BMPR1B: variants seen among roughly 807,000 people sequenced by gnomAD.
The protein encoded by BMPR1B is bone morphogenetic protein receptor type 1B.
BMPR1B carries 12 observed loss-of-function variants against 59.1 expected under a neutral mutation model. The observed-to-expected ratio is 0.20, with a 90% CI of 0.13 to 0.33. The LOEUF (loss-of-function observed/expected upper bound fraction) is 0.33, where lower values mean the gene tolerates loss of function less well. Among genes scored for constraint, BMPR1B ranks in the 10% least tolerant of loss-of-function variants. The pLI, the probability that BMPR1B is intolerant of heterozygous loss-of-function variation, is 1.00. For synonymous variants in BMPR1B, 237 were observed against 207.3 expected (o/e 1.14, Z -1.23); for missense variants, 550 against 610.9 (o/e 0.90, Z 1.05).
intron 3 of BMPR1B, among the ~76,000 whole-genome samples, chr4:95,001,793 G>C (rs1201366268): frequency 6.6e-6 from 1 of 151,960 alleles, no homozygotes; most frequent in Non-Finnish European, 1.5e-5. Context: ...AGACGTAGAG[G>C]GGGGCAAAAC....
chr4:95,072,758 T>C (rs1728407969), intron 3 of BMPR1B, among the ~76,000 whole-genome samples: 2 of 152,116 alleles, frequency 1.3e-5, no homozygotes, highest in South Asian at 4.1e-4. Flanking sequence ...ATTTGGAAGG[T>C]GGTAGAATAA....
At chr4:94,775,675 A>G (rs1722337538) in intron 1 of BMPR1B, among the ~76,000 whole-genome samples, 2 of 152,256 alleles carry the variant, frequency 1.3e-5, no homozygotes, top group Admixed American at 1.3e-4. Context: ...GTTGCTTGAC[A>G]TGATCAGTTT....
chr4:94,805,560 A>G (rs1443266178), intron 1 of BMPR1B, among the ~76,000 whole-genome samples: 1 of 152,218 alleles, frequency 6.6e-6, no homozygotes, highest in African/African-American at 2.4e-5. Context: ...GTGTGTGTTT[A>G]TGAGCTACAA....
intron 2 of BMPR1B, among the ~76,000 whole-genome samples, chr4:94,990,159 C>T (rs1465165033): frequency 6.6e-6 from 1 of 152,130 alleles, no homozygotes; most frequent in Non-Finnish European, 1.5e-5. Flanking sequence ...AGTTTGAGAC[C>T]AGCCTGGCCA....
intron 1 of BMPR1B, among the ~76,000 whole-genome samples, chr4:94,822,462 TGAAAG>T (rs1342891843): frequency 2.0e-5 from 3 of 151,862 alleles, no homozygotes; most frequent in Non-Finnish European, 4.4e-5. Context: ...ATTAATAAAT[TGAAAG>T]GAAAGGGGGA....
In BMPR1B at chr4:94,836,682, C is replaced by T. The variant is rs1399971025; in HGVS notation, c.-182-39149C>T. Among the ~76,000 whole-genome samples, 22 of 144,800 alleles carry T rather than the reference C, an allele frequency of 1.5e-4. 2 individuals carry two copies. Among genetic ancestry groups the T allele is most frequent in the African/African-American group, 3.8e-4 (15 of 39,006 alleles). The allele number at this position is 144,800 out of a possible 152,430, so 95.0% of individuals were successfully genotyped here. A position where few individuals can be genotyped will look rare whatever the true frequency, so the allele number is the denominator to read the frequency against. On this transcript the variant is annotated intron_variant, in intron 1 of 12. Coordinates refer to ENST00000515059, the MANE Select transcript of BMPR1B (RefSeq NM_001203.3). ...AGCCCTTTGTCAGATGAGTAGGTTG[C>T]GAAGATTTTCTCCCATTTTGTAGGT...
At position 94,860,834 on chromosome 4, in the gene BMPR1B, CTTTTAT is replaced by C. The variant is rs1200542970; in HGVS notation, c.-182-14996_-182-14991del. The stretch of plus-strand genomic sequence containing the variant: ...CTTTTATATGTCTTTTATATGTTGG[CTTTTAT>C]ATGTCTTTCTCTTTCACGAGATCCC... On this transcript the variant is annotated intron_variant, in intron 1 of 12. Transcript: ENST00000515059. Among the ~76,000 whole-genome samples the C allele has an allele frequency of 5.4e-3, 765 of 142,592 alleles. 170 individuals are homozygous for C. The highest frequency in any genetic ancestry group is 0.02 in the African/African-American group (666 of 33,554). The allele number at this position is 142,592 out of a possible 152,430, so 93.5% of individuals were successfully genotyped here.
intron 1 of BMPR1B, among the ~76,000 whole-genome samples, chr4:94,802,185 TTGAC>T (rs1280756147): frequency 4.6e-5 from 7 of 152,258 alleles, no homozygotes; most frequent in Middle Eastern, 3.4e-3. Context: ...TACTGGGTGT[TTGAC>T]TGCTTGCTTT....
At position 95,051,753 on chromosome 4, in the gene BMPR1B, TCTC is replaced by T. The variant is rs1315158551; in HGVS notation, c.-17-52654_-17-52652del. Reference sequence around the variant, plus strand: ...AGCTTCACATTTTCTTGCTCATTCTTCTCTCTATGCACACAAGGGGTAAGAAGA... The same window carrying T: ...AGCTTCACATTTTCTTGCTCATTCTTTCTATGCACACAAGGGGTAAGAAGA... On this transcript the variant is annotated intron_variant, in intron 3 of 12. Coordinates refer to ENST00000515059, the MANE Select transcript of BMPR1B (RefSeq NM_001203.3). 7 of 1,535,424 alleles carry T rather than the reference TCTC, an allele frequency of 4.6e-6. No individual in the cohort carries two copies. The African/African-American group carries it at 8.2e-5, about 18-fold the overall frequency.
chr4:95,069,334 GT>G (rs1346698878), intron 3 of BMPR1B, among the ~76,000 whole-genome samples: 2 of 152,144 alleles, frequency 1.3e-5, no homozygotes, highest in African/African-American at 4.8e-5. Context: ...ATGAAGATCT[GT>G]TCCCCATTTC....
rs1491178901 is a variant in BMPR1B, at chr4:95,116,415, G to GCACACACA, written c.349+629_349+630insACACACAC. ...CCCTTTCTCCTCCTCCATGCTTTCA[G>GCACACACA]CGCGCGCACACACACACACACACAC... On this transcript the variant is annotated intron_variant, in intron 6 of 12. Transcript: ENST00000515059. 5.1e-3 allele frequency among the ~76,000 whole-genome samples: 346 copies of GCACACACA among 67,848 alleles called. 7 individuals carry two copies. Among genetic ancestry groups the GCACACACA allele is most frequent in the African/African-American group, 0.026 (324 of 12,548 alleles). 44.5% of individuals were successfully genotyped at this position (67,848 alleles called of 152,430 possible). A position where few individuals can be genotyped will look rare whatever the true frequency, so the allele number is the denominator to read the frequency against.
intron 2 of BMPR1B, among the ~76,000 whole-genome samples, chr4:94,902,081 G>T (rs886638065): frequency 7.3e-6 from 1 of 137,118 alleles, no homozygotes; most frequent in African/African-American, 2.7e-5. Context: ...GTGTGTGTGT[G>T]TGTGTGGGGT....
At chr4:95,039,840 T>C (rs1451419315) in intron 3 of BMPR1B, among the ~76,000 whole-genome samples, 1 of 152,160 alleles carries the variant, frequency 6.6e-6, no homozygotes, top group Admixed American at 6.5e-5. Flanking sequence ...GTTCCCCCAG[T>C]ATGGCCCTGG....
At chr4:95,128,951 T>C (rs1733098875) in intron 8 of BMPR1B, among the ~76,000 whole-genome samples, 1 of 152,138 alleles carries the variant, frequency 6.6e-6, no homozygotes, top group Non-Finnish European at 1.5e-5. Flanking sequence ...TCTCTTTCTT[T>C]CTTCTCTCCC....
At chr4:95,102,585 G>C (rs1730899780) in intron 3 of BMPR1B, among the ~76,000 whole-genome samples, 1 of 152,102 alleles carries the variant, frequency 6.6e-6, no homozygotes, top group Admixed American at 6.6e-5. Context: ...TTGAGAACCA[G>C]GTTTAGAAAG....
chr4:94,902,088 G>GTGTGTGTGTGT lies in BMPR1B; in HGVS notation c.-113+26188_-113+26189insTGTGTGTGTGT, dbSNP rs201783533. Among the ~76,000 whole-genome samples, 964 of 119,842 alleles carry GTGTGTGTGTGT rather than the reference G, an allele frequency of 8.0e-3. 27 individuals carry two copies. The highest frequency in any genetic ancestry group is 0.026 in the African/African-American group (764 of 28,970). 78.6% of individuals were successfully genotyped at this position (119,842 alleles called of 152,430 possible). A position where few individuals can be genotyped will look rare whatever the true frequency, so the allele number is the denominator to read the frequency against. ...GTGTGTGTGTGTGTGTGTGTGTGTG[G>GTGTGTGTGTGT]GGTGTATTTAAAGGAAACAACTTGA... is the stretch of plus-strand genomic sequence containing the variant. On this transcript the variant is annotated intron_variant, in intron 2 of 12. Coordinates refer to ENST00000515059, the MANE Select transcript of BMPR1B (RefSeq NM_001203.3).
intron 2 of BMPR1B, among the ~76,000 whole-genome samples, chr4:94,933,077 A>C (rs1729156593): frequency 6.6e-6 from 1 of 152,224 alleles, no homozygotes; most frequent in East Asian, 1.9e-4. Flanking sequence ...TTGAGTGTGC[A>C]TATTATATAT....
rs760873289 is a variant in BMPR1B at position 95,125,150 on chromosome 4, AG to A, written c.585+31del. ...TGAGAAGAACACATCTTGAATTTAAAGGAAATGTTTTCTGAAAGAACTGTCA... is the reference window on the plus strand; with the variant it reads ...TGAGAAGAACACATCTTGAATTTAAAGAAATGTTTTCTGAAAGAACTGTCA... On this transcript the variant is annotated intron_variant, in intron 8 of 12. Transcript: ENST00000515059. 3.7e-5 allele frequency: 59 copies of A among 1,612,726 alleles called. No homozygotes were observed. In the African/African-American group the frequency reaches 7.6e-4, roughly 21 times the overall value.
intron 8 of BMPR1B, among the ~76,000 whole-genome samples, chr4:95,129,444 G>A (rs1379147943): frequency 1.3e-5 from 2 of 150,860 alleles, no homozygotes; most frequent in East Asian, 3.9e-4. Context: ...ATTTCTGTAT[G>A]TGCCTAACAA....
Sources: allele counts gnomAD v4.1 joint callset (sites outside exome capture counted in the v4.1 genomes callset), GRCh38; gene constraint gnomAD v4.1.1; transcripts MANE v1.5; gene names NCBI Gene and HGNC (gene_info 2026-07-23, HGNC 2026-07-21).